FLT1: variants seen among roughly 807,000 people sequenced by gnomAD.
FLT1 encodes the protein vascular endothelial growth factor receptor 1.
Under a neutral mutation model 156.3 loss-of-function variants are expected in FLT1, and 49 were observed. The ratio of observed to expected loss-of-function variants is 0.31; its 90% CI spans 0.25 to 0.40. The LOEUF is 0.40. FLT1 is among the 10% of genes least tolerant of loss of function. The pLI, the probability that FLT1 is intolerant of heterozygous loss-of-function variation, is 1.00. For synonymous variants in FLT1, 594 were observed against 583.8 expected, an observed-to-expected ratio of 1.02 and a Z score of -0.25; for missense variants, 1,322 against 1,637.2, an observed-to-expected ratio of 0.81 and a Z score of 3.32.
intron 26 of FLT1, 50 bp downstream of exon 26, chr13:28,311,943 C>A (rs769123519): frequency 1.5e-6 from 2 of 1,296,962 alleles, no homozygotes; most frequent in Non-Finnish European, 2.2e-6. Context: ...ATAAAATGCC[C>A]CCCTGACGTA....
intron 15 of FLT1, 182 bp from the exon 16 acceptor site, chr13:28,345,733 A>T: frequency 1.7e-6 from 1 of 605,148 alleles, no homozygotes; most frequent in Non-Finnish European, 3.0e-6. Flanking sequence ...GTATACATGA[A>T]CTCACATAGA....
intron 3 of FLT1, among the ~76,000 whole-genome samples, chr13:28,457,554 A>G (rs1179989569): frequency 4.6e-5 from 7 of 152,254 alleles, no homozygotes; most frequent in Non-Finnish European, 8.8e-5. Flanking sequence ...AATACATCAA[A>G]TGACACACAA....
At chr13:28,427,437 C>T in intron 9 of FLT1, 119 bp from the exon 10 acceptor site, 1 of 947,938 alleles carries the variant, frequency 1.1e-6, no homozygotes, top group Non-Finnish European at 1.7e-6. Flanking sequence ...AAACAAGAAA[C>T]AAAAAAACAA....
intron 15 of FLT1, among the ~76,000 whole-genome samples, chr13:28,354,155 T>C (rs1215638960): frequency 6.6e-6 from 1 of 151,956 alleles, no homozygotes; most frequent in African/African-American, 2.4e-5. Flanking sequence ...AGAAGAAGAG[T>C]CCCATTTCAA....
At chr13:28,327,611 G>T in intron 19 of FLT1, 61 bp from the exon 20 acceptor site, 1 of 1,181,544 alleles carries the variant, frequency 8.5e-7, no homozygotes, top group South Asian at 1.2e-5. Flanking sequence ...CCATTTGCCA[G>T]CCTTCAGCCT....
chr13:28,333,328 GGAAAT>G (rs1871998261), intron 18 of FLT1, among the ~76,000 whole-genome samples: 1 of 152,150 alleles, frequency 6.6e-6, no homozygotes, highest in African/African-American at 2.4e-5. Flanking sequence ...TTACAGATGA[GGAAAT>G]GAAGTATTTT....
chr13:28,421,881 A>G (rs1335594049), intron 10 of FLT1, among the ~76,000 whole-genome samples: 4 of 152,220 alleles, frequency 2.6e-5, no homozygotes, highest in African/African-American at 9.7e-5. Context: ...GGGAAATAGA[A>G]ACACAGATTA....
intron 25 of FLT1, among the ~76,000 whole-genome samples, chr13:28,313,698 T>C (rs1871094192): frequency 6.6e-6 from 1 of 152,232 alleles, no homozygotes; most frequent in South Asian, 2.1e-4. Context: ...ACTGCAGACA[T>C]TACTTGTGCT....
At chr13:28,334,533 C>T (rs1872045996) in intron 17 of FLT1, among the ~76,000 whole-genome samples, 1 of 152,166 alleles carries the variant, frequency 6.6e-6, no homozygotes, top group Admixed American at 6.5e-5. Context: ...ATTTTTCTCT[C>T]ATCTGTTTTC....
chr13:28,476,464 C>T (rs1880553162), intron 1 of FLT1, among the ~76,000 whole-genome samples: 1 of 152,118 alleles, frequency 6.6e-6, no homozygotes, highest in Admixed American at 6.5e-5. Context: ...TCTTTAAGGT[C>T]CACAATAGGA....
At position 28,387,720 on chromosome 13, in the gene FLT1, C is replaced by G. The variant is rs182017768; in HGVS notation, c.1969+2076G>C. Reference sequence around the variant, plus strand: ...TTTTTCTCCTTTTTTTTTTCTCCCCCCTCCGTTATCTTCACCTCCCTTCAT... The same window carrying G: ...TTTTTCTCCTTTTTTTTTTCTCCCCGCTCCGTTATCTTCACCTCCCTTCAT... On this transcript the variant is annotated intron_variant, in intron 13 of 29. Coordinates refer to ENST00000282397, the MANE Select transcript of FLT1 (RefSeq NM_002019.4). The G allele has an allele frequency of 1.4e-3, 1,427 of 1,055,476 alleles. 17 individuals carry two copies. In the African/African-American group the frequency reaches 0.021, roughly 15 times the overall value. The allele number at this position is 1,055,476 out of a possible 1,614,324, so 65.4% of individuals were successfully genotyped here. A position where few individuals can be genotyped will look rare whatever the true frequency, so the allele number is the denominator to read the frequency against.
intron 10 of FLT1, among the ~76,000 whole-genome samples, chr13:28,413,023 T>C (rs1876407276): frequency 6.6e-6 from 1 of 152,110 alleles, no homozygotes; most frequent in South Asian, 2.1e-4. Context: ...GAGGAGATCC[T>C]GGAGGAGTGA....
chr13:28,413,289 C>G (rs1343273527), intron 10 of FLT1, among the ~76,000 whole-genome samples: 1 of 152,090 alleles, frequency 6.6e-6, no homozygotes, highest in Non-Finnish European at 1.5e-5. Context: ...GAACATGGCC[C>G]TTCTTCCCAG....
chr13:28,448,229 C>T (rs1449248126), intron 3 of FLT1, among the ~76,000 whole-genome samples: 1 of 152,174 alleles, frequency 6.6e-6, no homozygotes. Flanking sequence ...CATAGAGTTA[C>T]CAGATGACCC....
At chr13:28,305,964 A>G (rs1870727894) in intron 29 of FLT1, among the ~76,000 whole-genome samples, 1 of 152,184 alleles carries the variant, frequency 6.6e-6, no homozygotes, top group Non-Finnish European at 1.5e-5. Flanking sequence ...ATTTAGGTGA[A>G]AGAGGAAAAG....
rs142410610 is a variant in FLT1, at chr13:28,459,305, G to T, written c.388+7598C>A. 2.6e-5 allele frequency among the ~76,000 whole-genome samples: 4 copies of T among 152,314 alleles called. No individual in the cohort carries two copies. In the East Asian group the frequency reaches 7.7e-4, roughly 29 times the overall value. ...ACAGGATCCATCACCCAACCTGTCT[G>T]CACTTGTGGCCTCCTGGTAATGCAG... is the stretch of plus-strand genomic sequence containing the variant. On this transcript the variant is annotated intron_variant, in intron 3 of 29. Coordinates refer to ENST00000282397, the MANE Select transcript of FLT1 (RefSeq NM_002019.4).
At chr13:28,487,962 A>G (rs1881257486) in intron 1 of FLT1, among the ~76,000 whole-genome samples, 1 of 151,568 alleles carries the variant, frequency 6.6e-6, no homozygotes, top group South Asian at 2.1e-4. Context: ...AAGATTTTGT[A>G]AAGAATTTTG....
chr13:28,431,952 T>C (rs1877707595), intron 6 of FLT1, among the ~76,000 whole-genome samples: 1 of 152,172 alleles, frequency 6.6e-6, no homozygotes, highest in Admixed American at 6.6e-5. Flanking sequence ...CCATGTCAGC[T>C]AAATCACAGT....
At chr13:28,325,950 G>T (rs1406885382) in intron 20 of FLT1, among the ~76,000 whole-genome samples, 2 of 152,052 alleles carry the variant, frequency 1.3e-5, no homozygotes, top group African/African-American at 4.8e-5. Context: ...TTTGAGGGAT[G>T]AGAAAATTGG....
Sources: allele counts gnomAD v4.1 joint callset (sites outside exome capture counted in the v4.1 genomes callset), GRCh38; gene constraint gnomAD v4.1.1; transcripts MANE v1.5; gene names NCBI Gene and HGNC (gene_info 2026-07-23, HGNC 2026-07-21).